Variants in DSCAML1 observed in about 807,000 individuals in gnomAD.
DSCAML1 encodes the protein cell adhesion molecule DSCAML1.
Under a neutral mutation model 200.5 loss-of-function variants are expected in DSCAML1, and 38 were observed. That is an observed-to-expected ratio of 0.19 (90% CI 0.15 to 0.25). DSCAML1 has a LOEUF of 0.25. Ranked by LOEUF, DSCAML1 falls within the 10% of genes least tolerant of loss-of-function variation. The pLI is 1.00. For synonymous variants in DSCAML1, 1,215 were observed against 1,165.0 expected, an observed-to-expected ratio of 1.04 and a Z score of -0.87; for missense variants, 2,223 against 2,858.8, an observed-to-expected ratio of 0.78 and a Z score of 5.07.
intron 11 of DSCAML1, among the ~76,000 whole-genome samples, chr11:117,488,253 G>A (rs1482638619): frequency 3.3e-5 from 5 of 152,194 alleles, no homozygotes; most frequent in African/African-American, 1.2e-4. Flanking sequence ...CCTGGCTGCT[G>A]TACTGCTGGG....
intron 3 of DSCAML1, among the ~76,000 whole-genome samples, chr11:117,565,347 A>G (rs1274051960): frequency 2.0e-5 from 3 of 152,204 alleles, no homozygotes; most frequent in Non-Finnish European, 1.5e-5. Flanking sequence ...TCTTCTAGCT[A>G]TTCTGAAATA....
At chr11:117,741,574 G>C (rs1047993939) in intron 3 of DSCAML1, among the ~76,000 whole-genome samples, 1 of 152,260 alleles carries the variant, frequency 6.6e-6, no homozygotes, top group Non-Finnish European at 1.5e-5. Flanking sequence ...ATTGACAAAT[G>C]AGGAAACTAA....
intron 3 of DSCAML1, among the ~76,000 whole-genome samples, chr11:117,578,240 A>G (rs1179992059): frequency 4.3e-5 from 4 of 93,050 alleles, no homozygotes; most frequent in Admixed American, 1.3e-4. Context: ...TGTCTCGAAA[A>G]AAAAAAAAAA....
intron 1 of DSCAML1, among the ~76,000 whole-genome samples, chr11:117,811,086 C>T (rs2055757220): frequency 6.6e-6 from 1 of 152,160 alleles, no homozygotes; most frequent in Non-Finnish European, 1.5e-5. Context: ...GTGACTAGCC[C>T]TCCCCCACCT....
At chr11:117,473,493 T>A (rs890000944) in intron 14 of DSCAML1, among the ~76,000 whole-genome samples, 1 of 152,048 alleles carries the variant, frequency 6.6e-6, no homozygotes, top group Non-Finnish European at 1.5e-5. Context: ...CGAGACTCCA[T>A]CTCAAAAATG....
At chr11:117,656,923 G>A (rs2052747469) in intron 3 of DSCAML1, among the ~76,000 whole-genome samples, 1 of 152,212 alleles carries the variant, frequency 6.6e-6, no homozygotes, top group Non-Finnish European at 1.5e-5. Flanking sequence ...CTATGTCATT[G>A]ACTGCTTAAA....
intron 3 of DSCAML1, among the ~76,000 whole-genome samples, chr11:117,679,027 C>T (rs1474523304): frequency 6.6e-6 from 1 of 152,264 alleles, no homozygotes; most frequent in Non-Finnish European, 1.5e-5. Context: ...GGAGGGGCTC[C>T]TCCCAGGCTC....
intron 3 of DSCAML1, among the ~76,000 whole-genome samples, chr11:117,630,223 C>T (rs1374037934): frequency 2.0e-5 from 3 of 152,146 alleles, no homozygotes; most frequent in African/African-American, 7.2e-5. Context: ...GTTCCCTCAC[C>T]TGCTGGAGGG....
At chr11:117,652,387 A>G (rs2052651165) in intron 3 of DSCAML1, among the ~76,000 whole-genome samples, 1 of 152,192 alleles carries the variant, frequency 6.6e-6, no homozygotes, top group Non-Finnish European at 1.5e-5. Flanking sequence ...GACCTCCAAG[A>G]CTAGAGGGCG....
At chr11:117,438,301 G>T (rs2047965853) in intron 24 of DSCAML1, among the ~76,000 whole-genome samples, 1 of 116,762 alleles carries the variant, frequency 8.6e-6, no homozygotes, top group African/African-American at 4.0e-5. Context: ...CACTGTGAGG[G>T]CCTGGGGTCC....
At chr11:117,432,789 G>C (rs1411899551) in intron 29 of DSCAML1, among the ~76,000 whole-genome samples, 1 of 123,612 alleles carries the variant, frequency 8.1e-6, no homozygotes, top group Non-Finnish European at 1.6e-5. Context: ...TTTTTTTTTT[G>C]TGGTAGAAAT....
intron 3 of DSCAML1, among the ~76,000 whole-genome samples, chr11:117,749,478 T>C (rs1193115363): frequency 6.6e-6 from 1 of 152,208 alleles, no homozygotes. Context: ...TCCCTGTCTG[T>C]TAGCACAGAG....
chr11:117,551,166 GA>G (rs2050460857), intron 3 of DSCAML1, among the ~76,000 whole-genome samples: 1 of 152,222 alleles, frequency 6.6e-6, no homozygotes, highest in South Asian at 2.1e-4. Flanking sequence ...AACGTGTAAA[GA>G]AAAAGATATC....
intron 3 of DSCAML1, among the ~76,000 whole-genome samples, chr11:117,593,895 A>G (rs1056167023): frequency 6.6e-6 from 1 of 151,726 alleles, no homozygotes; most frequent in African/African-American, 2.4e-5. Flanking sequence ...TTGTATTTTT[A>G]GTAGAGACGG....
chr11:117,661,656 C>A (rs937256054), intron 3 of DSCAML1, among the ~76,000 whole-genome samples: 1 of 152,208 alleles, frequency 6.6e-6, no homozygotes, highest in African/African-American at 2.4e-5. Flanking sequence ...CTGCATCCCT[C>A]CCTAAGGCCA....
chr11:117,586,162 C>T (rs937265071), intron 3 of DSCAML1, among the ~76,000 whole-genome samples: 2 of 152,164 alleles, frequency 1.3e-5, no homozygotes, highest in Non-Finnish European at 2.9e-5. Flanking sequence ...CAAGATCACA[C>T]AGCTGGGGGC....
chr11:117,804,068 T>C (rs1479573556), intron 1 of DSCAML1, among the ~76,000 whole-genome samples: 3 of 152,114 alleles, frequency 2.0e-5, no homozygotes, highest in Non-Finnish European at 4.4e-5. Context: ...TACAAAACAC[T>C]AGCAAGTCCT....
intron 3 of DSCAML1, among the ~76,000 whole-genome samples, chr11:117,648,201 C>T (rs1249337173): frequency 1.3e-5 from 2 of 152,232 alleles, no homozygotes; most frequent in African/African-American, 4.8e-5. Flanking sequence ...ACCTGGAAAG[C>T]AGACCTGGTT....
chr11:117,655,423 C>T (rs536076340), intron 3 of DSCAML1, among the ~76,000 whole-genome samples: 5 of 152,344 alleles, frequency 3.3e-5, no homozygotes, highest in Admixed American at 2.6e-4. Flanking sequence ...TTCATAGTAT[C>T]ATCTTCATTG....
Sources: allele counts gnomAD v4.1 joint callset (sites outside exome capture counted in the v4.1 genomes callset), GRCh38; gene constraint gnomAD v4.1.1; transcripts MANE v1.5; gene names NCBI Gene and HGNC (gene_info 2026-07-23, HGNC 2026-07-21).